The following NDUFA9 variants were observed in gnomAD, a reference collection of about 807,000 sequenced individuals.
NDUFA9 encodes the protein NADH:ubiquinone oxidoreductase subunit A9, also known as NADH dehydrogenase [ubiquinone] 1 alpha subcomplex subunit 9, mitochondrial.
Under a neutral mutation model 45.9 loss-of-function variants are expected in NDUFA9, and 23 were observed. That is an observed-to-expected ratio of 0.50 (90% CI 0.36 to 0.71). The LOEUF (loss-of-function observed/expected upper bound fraction) is 0.71. NDUFA9 is among the 30% of genes least tolerant of loss of function. The probability of loss-of-function intolerance (pLI) is 0.00; values close to 1 mark genes in which losing one functional copy is unlikely to be tolerated. For synonymous variants in NDUFA9, 176 were observed against 170.5 expected (o/e 1.03, Z -0.25); for missense variants, 466 against 488.2 (o/e 0.95, Z 0.43).
At chr12:4,663,138 A>G (rs1306504953) in intron 6 of NDUFA9, among the ~76,000 whole-genome samples, 1 of 152,010 alleles carries the variant, frequency 6.6e-6, no homozygotes, top group Non-Finnish European at 1.5e-5. Context: ...AGGTTCTTTC[A>G]TTTCTTTTCA....
intron 8 of NDUFA9, among the ~76,000 whole-genome samples, chr12:4,679,143 T>C (rs1945938062): frequency 6.6e-6 from 1 of 152,074 alleles, no homozygotes; most frequent in Non-Finnish European, 1.5e-5. Context: ...ACATGGTAAA[T>C]GAAAGAAGCT....
At position 4,687,199 on chromosome 12, in the gene NDUFA9, T is replaced by C; in HGVS notation, c.*91T>C. The C allele has an allele frequency of 8.3e-7, 1 of 1,203,138 alleles. No homozygotes were observed. Among genetic ancestry groups the C allele is most frequent in the Non-Finnish European group, 1.1e-6 (1 of 870,454 alleles). 74.5% of individuals were successfully genotyped at this position (1,203,138 alleles called of 1,614,324 possible). ...CAGGCGGTCTCTTTAGAGGATCCTG[T>C]ACACAGTTCCACTATTAAAACATTT... is the stretch of plus-strand genomic sequence containing the variant. On this transcript the variant is annotated 3_prime_UTR_variant, in exon 11 of 11. Transcript: ENST00000266544.
At chr12:4,654,186 A>T in intron 1 of NDUFA9, 106 bp from the exon 2 acceptor site, 6 of 1,109,554 alleles carry the variant, frequency 5.4e-6, no homozygotes, top group South Asian at 1.6e-5. Context: ...TAAAGTACTG[A>T]TTGCAAAATA....
chr12:4,657,588 A>G (rs563240143), intron 3 of NDUFA9, 160 bp from the exon 4 acceptor site: 5 of 604,098 alleles, frequency 8.3e-6, no homozygotes, highest in Non-Finnish European at 1.5e-5. Flanking sequence ...GGAGTCTGAG[A>G]TGTCATTTCT....
At chr12:4,658,935 G>C in intron 4 of NDUFA9, 101 bp from the exon 5 acceptor site, 11 of 1,203,608 alleles carry the variant, frequency 9.1e-6, no homozygotes, top group Non-Finnish European at 1.3e-5. Flanking sequence ...AGTTTAAGTA[G>C]TGTGAATTTC....
chr12:4,685,173 C>T (rs1004243532), intron 9 of NDUFA9, 86 bp from the exon 10 acceptor site: 1 of 1,185,922 alleles, frequency 8.4e-7, no homozygotes, highest in Admixed American at 1.7e-5. Context: ...CTACAGCGGT[C>T]TGTCTTCCTG....
At chr12:4,667,843 GA>G (rs1160188355) in intron 6 of NDUFA9, among the ~76,000 whole-genome samples, 2 of 147,306 alleles carry the variant, frequency 1.4e-5, no homozygotes, top group African/African-American at 5.0e-5. Flanking sequence ...AAAAAAAAAA[GA>G]AAAACAAACA....
intron 9 of NDUFA9, among the ~76,000 whole-genome samples, chr12:4,683,649 A>G (rs1197172667): frequency 6.6e-6 from 1 of 152,178 alleles, no homozygotes; most frequent in Non-Finnish European, 1.5e-5. Flanking sequence ...AAGTAAGGAG[A>G]GTATGTGGAG....
chr12:4,685,212 G>C (rs751015689), intron 9 of NDUFA9, 47 bp from the exon 10 acceptor site: 74 of 1,505,740 alleles, frequency 4.9e-5, no homozygotes, highest in Non-Finnish European at 6.7e-5. Flanking sequence ...TTACATCTTG[G>C]GCAGAGAGAT....
chr12:4,667,198 A>G (rs1214354547), intron 6 of NDUFA9, among the ~76,000 whole-genome samples: 4 of 152,154 alleles, frequency 2.6e-5, no homozygotes, highest in Non-Finnish European at 5.9e-5. Flanking sequence ...AGCTAGCTGA[A>G]TGCTTCATGA....
In NDUFA9 at chr12:4,687,177, G is replaced by A; in HGVS notation, c.*69G>A. The A allele has an allele frequency of 6.7e-7, 1 of 1,492,382 alleles. No homozygotes were observed. Among genetic ancestry groups the A allele is most frequent in the East Asian group, 2.4e-5 (1 of 42,206 alleles). The allele number at this position is 1,492,382 out of a possible 1,614,324, so 92.4% of individuals were successfully genotyped here. On this transcript the variant is annotated 3_prime_UTR_variant, in exon 11 of 11. Coordinates refer to ENST00000266544, the MANE Select transcript of NDUFA9 (RefSeq NM_005002.5). The stretch of plus-strand genomic sequence containing the variant: ...CCATGTGGTTTGAGCACCCAGCCAG[G>A]CGGTCTCTTTAGAGGATCCTGTACA...
At chr12:4,653,615 A>C (rs544234977) in intron 1 of NDUFA9, 2 of 451,862 alleles carry the variant, frequency 4.4e-6, no homozygotes, top group East Asian at 1.4e-4. Flanking sequence ...AAAAGTCAGA[A>C]TATCTTTTCT....
chr12:4,686,986 C>T lies in NDUFA9; in HGVS notation c.1012C>T (p.Leu338Phe), dbSNP rs371795183. 22 of 1,614,046 alleles carry T rather than the reference C, an allele frequency of 1.4e-5. No homozygotes were observed. In the African/African-American group the frequency reaches 2.8e-4, roughly 21 times the overall value. ...KLPHLPGLED[L>F]GIQATPLELK... ...GCCTCACCTGCCTGGCTTAGAAGAC[C>T]TTGGTATTCAGGCAACACCACTGGA... The change falls in exon 11 of 11, where the codon CTT becomes TTT. Residue 338 changes from leucine to phenylalanine, a missense_variant. By Grantham distance (22) the Leu-to-Phe change is conservative. Coordinates refer to ENST00000266544, the MANE Select transcript of NDUFA9 (RefSeq NM_005002.5).
At chr12:4,678,895 A>T (rs1945936495) in intron 8 of NDUFA9, among the ~76,000 whole-genome samples, 1 of 152,198 alleles carries the variant, frequency 6.6e-6, no homozygotes, top group African/African-American at 2.4e-5. Flanking sequence ...TAAATTTACC[A>T]TATGGCCTAT....
intron 6 of NDUFA9, among the ~76,000 whole-genome samples, 196 bp downstream of exon 6, chr12:4,662,831 A>G (rs1345325477): frequency 6.6e-6 from 1 of 152,214 alleles, no homozygotes; most frequent in Non-Finnish European, 1.5e-5. Context: ...AGCAACTTAG[A>G]TTAATGGAAA....
chr12:4,660,999 T>C (rs1487175565), intron 5 of NDUFA9, among the ~76,000 whole-genome samples: 1 of 138,096 alleles, frequency 7.2e-6, no homozygotes, highest in Admixed American at 7.1e-5. Context: ...GTGGAGTTGG[T>C]ATGTTTTTTT....
At chr12:4,664,726 G>C (rs911832521) in intron 6 of NDUFA9, among the ~76,000 whole-genome samples, 2 of 152,214 alleles carry the variant, frequency 1.3e-5, no homozygotes, top group African/African-American at 4.8e-5. Context: ...GGGTCCTGAA[G>C]GTGAGACCAC....
intron 5 of NDUFA9, among the ~76,000 whole-genome samples, chr12:4,659,943 C>T (rs544592734): frequency 2.5e-4 from 38 of 152,222 alleles, no homozygotes; most frequent in African/African-American, 3.6e-4. Context: ...ACTGTGGCTA[C>T]GGTAGTAAAT....
In NDUFA9 at chr12:4,688,071, C is replaced by T. The variant is rs1016217106; in HGVS notation, c.*963C>T. 1.3e-5 allele frequency: 2 copies of T among 152,254 alleles called. No homozygotes were observed. Among genetic ancestry groups the T allele is most frequent in the Non-Finnish European group, 2.9e-5 (2 of 68,078 alleles). The allele number at this position is 152,254 out of a possible 1,614,324, so 9.4% of individuals were successfully genotyped here. A position where few individuals can be genotyped will look rare whatever the true frequency, so the allele number is the denominator to read the frequency against. ...ATATCAGTGTTGAAGGTAAGTTCTC[C>T]ACCTGCCCTTTCTGCCTGCATCAGA... On this transcript the variant is annotated 3_prime_UTR_variant, in exon 11 of 11. Coordinates refer to ENST00000266544, the MANE Select transcript of NDUFA9 (RefSeq NM_005002.5).
Sources: gnomAD v4.1 joint callset for allele counts (sites outside exome capture counted in the v4.1 genomes callset) on GRCh38, gnomAD v4.1.1 for gene constraint, MANE v1.5 for transcripts, NCBI Gene and HGNC (gene_info 2026-07-23, HGNC 2026-07-21) for gene names.